The following CIITA variants were observed in gnomAD, a reference collection of about 807,000 sequenced individuals.
The protein encoded by CIITA is MHC class II transactivator.
A neutral mutation model predicts 115.1 loss-of-function variants in CIITA; 72 were observed. That is an observed-to-expected ratio of 0.63 (90% CI 0.52 to 0.76). The LOEUF (loss-of-function observed/expected upper bound fraction) is 0.76, where lower values mean the gene tolerates loss of function less well. Ranked by LOEUF, CIITA falls within the 30% of genes least tolerant of loss-of-function variation. CIITA has a pLI of 0.00. For missense variants in CIITA, 1,617 were observed against 1,463.8 expected, an observed-to-expected ratio of 1.10 and a Z score of -1.71; for synonymous variants, 763 against 635.6, an observed-to-expected ratio of 1.20 and a Z score of -3.02.
intron 1 of CIITA, among the ~76,000 whole-genome samples, chr16:10,869,658 C>T (rs867410465): frequency 6.6e-6 from 1 of 152,026 alleles, no homozygotes; most frequent in Non-Finnish European, 1.5e-5. Context: ...GCTGGGATTA[C>T]AGGTTTGTGC....
chr16:10,878,448 C>G (rs932103256), intron 1 of CIITA, among the ~76,000 whole-genome samples: 1 of 152,326 alleles, frequency 6.6e-6, no homozygotes, highest in African/African-American at 2.4e-5. Flanking sequence ...ACCGGCAGGG[C>G]TCTTGCCACG....
chr16:10,934,996 A>T lies in CIITA; in HGVS notation c.*11141A>T, dbSNP rs2145397677. 1 of 152,436 alleles carries T rather than the reference A, an allele frequency of 6.6e-6. No individual in the cohort carries two copies. Among genetic ancestry groups the T allele is most frequent in the East Asian group, 1.9e-4 (1 of 5,194 alleles). 9.4% of individuals were successfully genotyped at this position (152,436 alleles called of 1,614,324 possible). On this transcript the variant is annotated 3_prime_UTR_variant, in exon 20 of 20. Coordinates refer to ENST00000324288, the MANE Select transcript of CIITA (RefSeq NM_000246.4). The surrounding 1 kb of genome is among the most constrained non-coding windows in gnomAD (Gnocchi z 4.2). ...TGGGCTAGAGCCCCTTCAGGGTCTGACACGCCATTGACACTGACCACGTCA... is the reference window on the plus strand; with the variant it reads ...TGGGCTAGAGCCCCTTCAGGGTCTGTCACGCCATTGACACTGACCACGTCA...
chr16:10,893,899 C>G (rs1051491511), intron 1 of CIITA, among the ~76,000 whole-genome samples: 5 of 149,796 alleles, frequency 3.3e-5, no homozygotes, highest in African/African-American at 1.2e-4. Flanking sequence ...TCCCCACAGT[C>G]AATTTTAGCA....
In CIITA at chr16:10,920,020, A is replaced by C. The variant is rs2040184879; in HGVS notation, c.3149+1494A>C. 6.6e-6 allele frequency among the ~76,000 whole-genome samples: 1 copy of C among 152,112 alleles called. No homozygotes were observed. The highest frequency in any genetic ancestry group is 2.4e-5 in the African/African-American group (1 of 41,420). ...AAAGAACAGCAGGTGCAAAGGCCCT[A>C]AGTGGGAAAAGGGGCTGTGTTTTAA... On this transcript the variant is annotated intron_variant, in intron 16 of 19. Transcript: ENST00000324288. This position sits in a 1 kb window ranked among gnomAD's most constrained non-coding sequence, Gnocchi z 4.5.
At chr16:10,883,486 G>T (rs2036625069) in intron 1 of CIITA, among the ~76,000 whole-genome samples, 1 of 152,178 alleles carries the variant, frequency 6.6e-6, no homozygotes, top group South Asian at 2.1e-4. Flanking sequence ...ACTGGCAAAT[G>T]CACAAGCTGG....
chr16:10,901,603 G>A lies in CIITA; in HGVS notation c.481+45G>A. ...TGGGGTTGGGAAGGGTGGATGCCTT[G>A]GGGAGGGGATGGAAGAGATTGAACT... On this transcript the variant is annotated intron_variant, in intron 6 of 19. Coordinates refer to ENST00000324288, the MANE Select transcript of CIITA (RefSeq NM_000246.4). The surrounding 1 kb of genome is among the most constrained non-coding windows in gnomAD (Gnocchi z 6.8). 1 of 1,595,018 alleles carries A rather than the reference G, an allele frequency of 6.3e-7. No individual in the cohort carries two copies. Among genetic ancestry groups the A allele is most frequent in the South Asian group, 1.1e-5 (1 of 90,152 alleles).
intron 16 of CIITA, among the ~76,000 whole-genome samples, chr16:10,921,272 G>A (rs2040255852): frequency 6.6e-6 from 1 of 152,202 alleles, no homozygotes; most frequent in South Asian, 2.1e-4. Context: ...AGGCTGCTTG[G>A]TGTCGAGTAA....
intron 14 of CIITA, among the ~76,000 whole-genome samples, 157 bp downstream of exon 14, chr16:10,915,807 C>G (rs2039911944): frequency 6.6e-6 from 1 of 152,198 alleles, no homozygotes; most frequent in Non-Finnish European, 1.5e-5. Context: ...GCCCAGCAAC[C>G]TCTGGGTTTT....
intron 13 of CIITA, chr16:10,914,939 G>A (rs1394916610): frequency 1.3e-5 from 5 of 378,480 alleles, no homozygotes; most frequent in South Asian, 3.9e-5. Flanking sequence ...AGGCTGCGGC[G>A]GGAGAAGGGT....
chr16:10,932,789 G>A lies in CIITA; in HGVS notation c.*8934G>A, dbSNP rs1362268270. 6.7e-6 allele frequency: 1 copy of A among 149,604 alleles called. No individual in the cohort carries two copies. Among genetic ancestry groups the A allele is most frequent in the Non-Finnish European group, 1.5e-5 (1 of 67,746 alleles). The allele number at this position is 149,604 out of a possible 1,614,324, so 9.3% of individuals were successfully genotyped here. ...TGGCTCACTGCAGTTCCAGGTTCAA[G>A]CAATTCTCATGCCTCAGCCTCCTGA... On this transcript the variant is annotated 3_prime_UTR_variant, in exon 20 of 20. Transcript: ENST00000324288.
At chr16:10,909,993 C>G (rs1042564573) in intron 12 of CIITA, among the ~76,000 whole-genome samples, 195 bp from the exon 13 acceptor site, 2 of 152,150 alleles carry the variant, frequency 1.3e-5, no homozygotes, top group African/African-American at 2.4e-5. Flanking sequence ...CCTCAGCCTC[C>G]CAAAGTGCTG....
intron 10 of CIITA, 82 bp from the exon 11 acceptor site, chr16:10,906,417 G>T (rs2039154916): frequency 2.1e-6 from 3 of 1,432,128 alleles, no homozygotes; most frequent in Non-Finnish European, 2.9e-6. Flanking sequence ...GTAAATGATG[G>T]TGGCAGTGCT....
intron 14 of CIITA, 32 bp downstream of exon 14, chr16:10,915,682 A>G: frequency 1.3e-6 from 2 of 1,567,488 alleles, no homozygotes; most frequent in Non-Finnish European, 1.8e-6. Context: ...CCTTCCTCTC[A>G]ACATCTGGGT....
chr16:10,918,605 C>T, intron 16 of CIITA, 79 bp downstream of exon 16: 2 of 1,261,674 alleles, frequency 1.6e-6, no homozygotes, highest in Non-Finnish European at 2.3e-6. Flanking sequence ...GTGCTGGCTG[C>T]AGGGGACACT....
chr16:10,895,618 A>C, intron 2 of CIITA, 51 bp from the exon 3 acceptor site: 2 of 1,608,824 alleles, frequency 1.2e-6, no homozygotes, highest in Non-Finnish European at 1.7e-6. Flanking sequence ...GTTCCCCACC[A>C]GCCCTCTTTC....
intron 5 of CIITA, among the ~76,000 whole-genome samples, chr16:10,900,466 G>A (rs974954056): frequency 2.6e-5 from 4 of 151,994 alleles, no homozygotes; most frequent in Middle Eastern, 3.2e-3. Flanking sequence ...TCGGCCAGGC[G>A]TGGTGGCTCA....
upstream of CIITA, among the ~76,000 whole-genome samples, chr16:10,874,203 C>A (rs148188099): frequency 1.3e-5 from 2 of 152,158 alleles, no homozygotes; most frequent in African/African-American, 4.8e-5. Context: ...AGGCTGGTTT[C>A]GAATTCCTGA....
At chr16:10,908,234 CTCTT>C in intron 11 of CIITA, 85 bp downstream of exon 11, 1 of 1,469,846 alleles carries the variant, frequency 6.8e-7, no homozygotes. Context: ...TCTGTGGGGT[CTCTT>C]TTAGTATGCA....
At position 10,934,270 on chromosome 16, in the gene CIITA, T is replaced by G. The variant is rs927161704; in HGVS notation, c.*10415T>G. 1.3e-5 allele frequency: 2 copies of G among 152,184 alleles called. No homozygotes were observed. Among genetic ancestry groups the G allele is most frequent in the African/African-American group, 4.8e-5 (2 of 41,430 alleles). 9.4% of individuals were successfully genotyped at this position (152,184 alleles called of 1,614,324 possible). A position where few individuals can be genotyped will look rare whatever the true frequency, so the allele number is the denominator to read the frequency against. On this transcript the variant is annotated 3_prime_UTR_variant, in exon 20 of 20. Transcript: ENST00000324288. This position sits in a 1 kb window ranked among gnomAD's most constrained non-coding sequence, Gnocchi z 4.2. ...TTTTAAACCAATGTACTTTTTAAAC[T>G]CCAATTTTTTAATAAGATCATTTAT...
Sources: allele counts gnomAD v4.1 joint callset (sites outside exome capture counted in the v4.1 genomes callset), GRCh38; gene constraint gnomAD v4.1.1; non-coding constraint Gnocchi (gnomAD v3.1); transcripts MANE v1.5; gene names NCBI Gene and HGNC (gene_info 2026-07-23, HGNC 2026-07-21).